Variants in MAK observed in about 807,000 individuals in gnomAD.
MAK encodes the protein male germ cell associated kinase, also known as serine/threonine-protein kinase MAK.
Under a neutral mutation model 82.6 loss-of-function variants are expected in MAK, and 65 were observed. The observed-to-expected ratio is 0.79, with a 90% CI of 0.64 to 0.97. The LOEUF (loss-of-function observed/expected upper bound fraction) is 0.97, where lower values mean the gene tolerates loss of function less well. Ranked by LOEUF, MAK falls within the 50% of genes least tolerant of loss-of-function variation. MAK has a pLI of 0.00. For synonymous variants in MAK, 250 were observed against 274.2 expected (o/e 0.91, Z 0.87); for missense variants, 703 against 780.2 (o/e 0.90, Z 1.18).
chr6:10,764,260 G>C lies in MAK; in HGVS notation c.*192C>G, dbSNP rs1772187419. 2 of 602,372 alleles carry C rather than the reference G, an allele frequency of 3.3e-6. No individual in the cohort carries two copies. Among genetic ancestry groups the C allele is most frequent in the African/African-American group, 1.9e-5 (1 of 53,838 alleles). The allele number at this position is 602,372 out of a possible 1,614,324, so 37.3% of individuals were successfully genotyped here. On this transcript the variant is annotated 3_prime_UTR_variant, in exon 15 of 15. Coordinates refer to ENST00000354489, the MANE Select transcript of MAK (RefSeq NM_001242957.3). The stretch of plus-strand genomic sequence containing the variant: ...ATCCTACCCATATATCAACACTGTG[G>C]GCAATGATGCTAAGAAAATGCATTT...
Position 10,784,431 on chromosome 6 carries a change from A to G in MAK, c.1458T>C (p.Tyr486=). ...SKQYYLKQSR[Y]LPGVNPKKVS... is the part of the protein sequence containing the mutation. ...TTTCTTTGCTCTACTTACCTGGAAGATATCTTGATTGTTTCAAGTAGTACT... is the reference window on the plus strand; with the variant it reads ...TTTCTTTGCTCTACTTACCTGGAAGGTATCTTGATTGTTTCAAGTAGTACT... Residue 486 remains tyrosine (Y), a synonymous_variant, in exon 11 of 15, where the codon TAT becomes TAC. Transcript: ENST00000354489. 1 of 1,614,202 alleles carries G rather than the reference A, an allele frequency of 6.2e-7. No homozygotes were observed. The highest frequency in any genetic ancestry group is 2.2e-5 in the East Asian group (1 of 44,888).
At chr6:10,790,889 C>T (rs549924878) in intron 10 of MAK, among the ~76,000 whole-genome samples, 10 of 152,296 alleles carry the variant, frequency 6.6e-5, no homozygotes, top group South Asian at 4.1e-4. Context: ...CGAGTGAGTT[C>T]TCACTCTGAG....
chr6:10,795,615 G>C (rs1377075591), intron 9 of MAK, among the ~76,000 whole-genome samples: 2 of 151,946 alleles, frequency 1.3e-5, no homozygotes, highest in Admixed American at 6.6e-5. Flanking sequence ...GTGGTGGTGG[G>C]CGTCTGTAAT....
At position 10,800,493 on chromosome 6, in the gene MAK, A is replaced by G. The variant is rs1775931340; in HGVS notation, c.831+1399T>C. On this transcript the variant is annotated intron_variant, in intron 8 of 14. Transcript: ENST00000354489. This position sits in a 1 kb window ranked among gnomAD's most constrained non-coding sequence, Gnocchi z 4.2. ...TCACCTTGAGATCAAATACACATGT[A>G]TGCTTTCCTTTTGTTTCTAACAGTT... is the stretch of plus-strand genomic sequence containing the variant. Among the ~76,000 whole-genome samples the G allele has an allele frequency of 6.6e-6, 1 of 150,962 alleles. No individual in the cohort carries two copies. The highest frequency in any genetic ancestry group is 6.6e-5 in the Admixed American group (1 of 15,160).
chr6:10,811,723 C>T (rs1482675656), intron 5 of MAK, among the ~76,000 whole-genome samples: 1 of 151,740 alleles, frequency 6.6e-6, no homozygotes, highest in Admixed American at 6.6e-5. Flanking sequence ...TTTAAAAGAC[C>T]CCAATAGTTT....
Position 10,810,120 on chromosome 6 carries a change from G to A in MAK, c.359-1178C>T, listed in dbSNP as rs1017994359. On this transcript the variant is annotated intron_variant, in intron 5 of 14. Coordinates refer to ENST00000354489, the MANE Select transcript of MAK (RefSeq NM_001242957.3). ...CTCAAAAAAAAAAAAAAAAAAGAAA[G>A]AAAAGAAAAAGAAAACCCAGGGGGA... 9.2e-4 allele frequency among the ~76,000 whole-genome samples: 114 copies of A among 124,484 alleles called. 2 individuals are homozygous for A. Among genetic ancestry groups the A allele is most frequent in the East Asian group, 1.3e-3 (6 of 4,448 alleles). The allele number at this position is 124,484 out of a possible 152,430, so 81.7% of individuals were successfully genotyped here.
At chr6:10,814,851 A>G (rs1286735868) in intron 4 of MAK, among the ~76,000 whole-genome samples, 1 of 152,018 alleles carries the variant, frequency 6.6e-6, no homozygotes, top group Non-Finnish European at 1.5e-5. Context: ...CAGCCTCGCC[A>G]ACATGGTGAA....
At chr6:10,815,836 C>T (rs2127574267) in intron 4 of MAK, among the ~76,000 whole-genome samples, 1 of 149,836 alleles carries the variant, frequency 6.7e-6, no homozygotes, top group Middle Eastern at 3.4e-3. Flanking sequence ...ATTTACAACA[C>T]TCTTCAATGC....
chr6:10,828,791 T>C (rs954996517), intron 2 of MAK, among the ~76,000 whole-genome samples: 11 of 151,548 alleles, frequency 7.3e-5, no homozygotes, highest in African/African-American at 2.7e-4. Context: ...TGGAACCCTG[T>C]CTTGAAAAAA....
intron 2 of MAK, among the ~76,000 whole-genome samples, chr6:10,819,709 TAA>T (rs1777777890): frequency 6.6e-6 from 1 of 152,204 alleles, no homozygotes; most frequent in Non-Finnish European, 1.5e-5. Flanking sequence ...AAAGTGTATT[TAA>T]GAGTAAAAAC....
intron 2 of MAK, among the ~76,000 whole-genome samples, chr6:10,829,728 T>C (rs980440711): frequency 6.6e-6 from 1 of 152,196 alleles, no homozygotes; most frequent in African/African-American, 2.4e-5. Context: ...TAAAGTAATA[T>C]AGAAGAAAAA....
intron 8 of MAK, among the ~76,000 whole-genome samples, chr6:10,796,999 C>T (rs572970915): frequency 1.3e-5 from 2 of 152,002 alleles, no homozygotes; most frequent in African/African-American, 4.8e-5. Flanking sequence ...TTAGAGTACA[C>T]TCAAAGACAT....
chr6:10,781,516 T>C (rs1773965885), intron 11 of MAK, among the ~76,000 whole-genome samples: 1 of 150,514 alleles, frequency 6.6e-6, no homozygotes, highest in Admixed American at 6.7e-5. Flanking sequence ...CTCTGCCTCC[T>C]GGGTTCAAGT....
chr6:10,837,303 G>A (rs991773145), intron 1 of MAK, among the ~76,000 whole-genome samples: 5 of 152,228 alleles, frequency 3.3e-5, no homozygotes, highest in African/African-American at 1.2e-4. Flanking sequence ...ATTACAATGG[G>A]AAAACAAAGA....
Position 10,775,414 on chromosome 6 carries a change from A to G in MAK, c.1511T>C (p.Ile504Thr). 1 of 1,613,926 alleles carries G rather than the reference A, an allele frequency of 6.2e-7. No homozygotes were observed. ...KVSLIASGKE[I>T]NPHTWSNQLF... The stretch of plus-strand genomic sequence containing the variant: ...CTGGTTGCTCCAAGTGTGGGGGTTT[A>G]TTTCCTTTCCACTGGCTATCAAGGA... Residue 504 changes from isoleucine to threonine, a missense_variant, in exon 12 of 15, where the codon ATA becomes ACA. Physicochemically the swap from Ile to Thr is moderately conservative, Grantham distance 89 (BLOSUM62 -1). Coordinates refer to ENST00000354489, the MANE Select transcript of MAK (RefSeq NM_001242957.3).
chr6:10,765,383 A>T (rs1245812227), intron 14 of MAK, among the ~76,000 whole-genome samples: 1 of 151,180 alleles, frequency 6.6e-6, no homozygotes, highest in Non-Finnish European at 1.5e-5. Flanking sequence ...AAGAACACAC[A>T]TGGGGTCCTA....
At chr6:10,819,331 C>T (rs1198195481) in intron 2 of MAK, among the ~76,000 whole-genome samples, 1 of 152,158 alleles carries the variant, frequency 6.6e-6, no homozygotes, top group African/African-American at 2.4e-5. Context: ...TAACTACAAA[C>T]GTTAGAAATG....
chr6:10,775,306 A>G (rs767563412), intron 12 of MAK, 22 bp downstream of exon 12: 27 of 1,611,038 alleles, frequency 1.7e-5, no homozygotes, highest in Non-Finnish European at 2.2e-5. Context: ...CCGTACATGT[A>G]CATTTTGTAT....
rs74419187 is a variant in MAK at position 10,819,611 on chromosome 6, G to A, written c.102-671C>T. ...TGCGCCACTGCACTCCAGCCTGGGC[G>A]ACAGATGAGAAATGGCTTTCTTGAA... On this transcript the variant is annotated intron_variant, in intron 2 of 14. Coordinates refer to ENST00000354489, the MANE Select transcript of MAK (RefSeq NM_001242957.3). 5.6e-3 allele frequency among the ~76,000 whole-genome samples: 856 copies of A among 152,124 alleles called. 7 individuals carry two copies. Among genetic ancestry groups the A allele is most frequent in the African/African-American group, 0.019 (805 of 41,510 alleles).
Sources: allele counts gnomAD v4.1 joint callset (sites outside exome capture counted in the v4.1 genomes callset), GRCh38; gene constraint gnomAD v4.1.1; non-coding constraint Gnocchi (gnomAD v3.1); transcripts MANE v1.5; gene names NCBI Gene and HGNC (gene_info 2026-07-23, HGNC 2026-07-21).